RHCG: variants seen among roughly 807,000 people sequenced by gnomAD.
The protein encoded by RHCG is ammonium transporter Rh type C.
A neutral mutation model predicts 55.3 loss-of-function variants in RHCG; 39 were observed. That is an observed-to-expected ratio of 0.70 (90% CI 0.55 to 0.92). RHCG has a LOEUF of 0.92. Ranked by LOEUF, RHCG falls within the 40% of genes least tolerant of loss-of-function variation. The probability of loss-of-function intolerance (pLI) is 0.00; values close to 1 mark genes in which losing one functional copy is unlikely to be tolerated. For missense variants in RHCG, 635 were observed against 627.9 expected (o/e 1.01, Z -0.12); for synonymous variants, 250 against 246.8 (o/e 1.01, Z -0.12).
Position 89,486,857 on chromosome 15 carries a change from G to C in RHCG, c.313C>G (p.Leu105Val). ...LAAFGIQWALLMQGWFHFLQD... is the reference protein window; with the variant it reads ...LAAFGIQWALVMQGWFHFLQD... Reference sequence around the variant, plus strand: ...AAGAAGTGGAACCAGCCCTGCATGAGCAGCGCCCACTGGATGCCGAAGGCT... The same window carrying C: ...AAGAAGTGGAACCAGCCCTGCATGACCAGCGCCCACTGGATGCCGAAGGCT... Residue 105 changes from leucine (L) to valine (V), a missense_variant, in exon 2 of 11, where the codon CTC becomes GTC. Coordinates refer to ENST00000268122, the MANE Select transcript of RHCG (RefSeq NM_016321.3). 6.2e-7 allele frequency: 1 copy of C among 1,611,494 alleles called. No individual in the cohort carries two copies. The highest frequency in any genetic ancestry group is 1.3e-5 in the African/African-American group (1 of 75,018).
At chr15:89,494,394 C>T (rs977353755) in intron 1 of RHCG, among the ~76,000 whole-genome samples, 4 of 152,174 alleles carry the variant, frequency 2.6e-5, no homozygotes, top group Non-Finnish European at 5.9e-5. Context: ...CCATGGGTCC[C>T]AGCAAATTAC....
At chr15:89,483,465 C>T (rs1248223302) in intron 2 of RHCG, among the ~76,000 whole-genome samples, 3 of 152,082 alleles carry the variant, frequency 2.0e-5, no homozygotes, top group South Asian at 2.1e-4. Flanking sequence ...CTCAGGCCCC[C>T]GCTGCTTGCA....
chr15:89,479,207 A>G (rs78940601), intron 5 of RHCG, 115 bp downstream of exon 5: 227,803 of 1,074,436 alleles, frequency 0.21, 24,691 homozygotes, highest in East Asian at 0.25. Context: ...TTCTCCCCCA[A>G]CCTCATCTGC....
At chr15:89,480,662 G>C (rs1298034703) in intron 3 of RHCG, among the ~76,000 whole-genome samples, 2 of 152,364 alleles carry the variant, frequency 1.3e-5, no homozygotes, top group African/African-American at 4.8e-5. Context: ...CCCAGGCCTG[G>C]AGACAGACTT....
intron 1 of RHCG, among the ~76,000 whole-genome samples, chr15:89,489,338 G>A (rs566606055): frequency 2.7e-4 from 41 of 152,010 alleles, no homozygotes; most frequent in African/African-American, 9.9e-4. Flanking sequence ...GGGCCAGGCT[G>A]GTCTCAAACT....
At chr15:89,480,122 C>T in intron 4 of RHCG, 139 bp downstream of exon 4, 5 of 1,133,482 alleles carry the variant, frequency 4.4e-6, no homozygotes, top group Non-Finnish European at 6.4e-6. Context: ...GGCAGCCATG[C>T]ACCATACCAC....
At chr15:89,483,022 C>T in intron 3 of RHCG, 45 bp downstream of exon 3, 2 of 1,514,280 alleles carry the variant, frequency 1.3e-6, no homozygotes, top group African/African-American at 1.4e-5. Flanking sequence ...CTGCTGTCCC[C>T]CAAAGCACCC....
chr15:89,478,389 G>T (rs1293826424), intron 5 of RHCG, among the ~76,000 whole-genome samples: 4 of 152,228 alleles, frequency 2.6e-5, no homozygotes, highest in Non-Finnish European at 5.9e-5. Flanking sequence ...AGCTGCTGCT[G>T]TCTGAATGCT....
intron 2 of RHCG, among the ~76,000 whole-genome samples, chr15:89,485,888 A>G (rs1340129538): frequency 6.6e-6 from 1 of 152,186 alleles, no homozygotes; most frequent in Non-Finnish European, 1.5e-5. Flanking sequence ...AGTTTGATAA[A>G]TGAGTCATTC....
At chr15:89,485,608 T>G (rs1007239825) in intron 2 of RHCG, among the ~76,000 whole-genome samples, 1 of 152,248 alleles carries the variant, frequency 6.6e-6, no homozygotes, top group Admixed American at 6.5e-5. Context: ...ATGAGTGAGC[T>G]AATGAATGTT....
intron 10 of RHCG, 37 bp downstream of exon 10, chr15:89,472,674 A>T: frequency 6.4e-7 from 1 of 1,571,898 alleles, no homozygotes; most frequent in Non-Finnish European, 8.7e-7. Flanking sequence ...CACTGGGAGA[A>T]CCTCCCTGTC....
At chr15:89,490,806 G>A (rs1156376188) in intron 1 of RHCG, among the ~76,000 whole-genome samples, 2 of 151,958 alleles carry the variant, frequency 1.3e-5, no homozygotes, top group Non-Finnish European at 2.9e-5. Context: ...TGGGCTGGTG[G>A]GCGGGGGTTA....
chr15:89,480,239 C>T (rs373459229), intron 4 of RHCG, 22 bp downstream of exon 4: 39 of 1,613,474 alleles, frequency 2.4e-5, no homozygotes, highest in South Asian at 1.1e-4. Flanking sequence ...TGGTGGCCCT[C>T]GGTCATGATG....
chr15:89,489,051 G>A (rs574980616), intron 1 of RHCG, among the ~76,000 whole-genome samples: 14 of 152,274 alleles, frequency 9.2e-5, no homozygotes, highest in East Asian at 1.9e-4. Context: ...GTGTATGTGC[G>A]TGTGCATCCG....
At position 89,483,207 on chromosome 15, in the gene RHCG, C is replaced by T. The variant is rs765915471; in HGVS notation, c.382G>A (p.Ala128Thr). Reference protein sequence around the residue: ...IVVGVENLINADFCVASVCVA... With the variant: ...IVVGVENLINTDFCVASVCVA... ...CAGACAGAGGCCACGCAGAAGTCAG[C>T]GTTGATGAGGCTGTGGGGAGACAGG... is the stretch of plus-strand genomic sequence containing the variant. The change falls in exon 3 of 11, where the codon GCT becomes ACT. Residue 128 changes from alanine to threonine, a missense_variant. Ala to Thr is a moderately conservative substitution (Grantham distance 58). Coordinates refer to ENST00000268122, the MANE Select transcript of RHCG (RefSeq NM_016321.3). 19 of 1,572,808 alleles carry T rather than the reference C, an allele frequency of 1.2e-5. No individual in the cohort carries two copies. Among genetic ancestry groups the T allele is most frequent in the Non-Finnish European group, 1.7e-5 (19 of 1,148,004 alleles).
At chr15:89,495,677 C>T (rs1442053341) in intron 1 of RHCG, among the ~76,000 whole-genome samples, 2 of 152,194 alleles carry the variant, frequency 1.3e-5, no homozygotes, top group Non-Finnish European at 1.5e-5. Flanking sequence ...ACATGCACTT[C>T]CTCGCCACAG....
intron 1 of RHCG, among the ~76,000 whole-genome samples, 158 bp from the exon 2 acceptor site, chr15:89,487,143 C>G (rs890201759): frequency 6.6e-5 from 10 of 152,164 alleles, no homozygotes; most frequent in African/African-American, 2.4e-4. Flanking sequence ...CCCCCACCCC[C>G]ACATCTGAAC....
intron 2 of RHCG, among the ~76,000 whole-genome samples, chr15:89,485,311 T>C (rs954346251): frequency 1.3e-5 from 2 of 152,246 alleles, no homozygotes; most frequent in African/African-American, 4.8e-5. Flanking sequence ...TAATTTCTTG[T>C]GCATTTTGAA....
chr15:89,474,946 CTT>C lies in RHCG; in HGVS notation c.1311+1807_1311+1808del, dbSNP rs1961112465. Among the ~76,000 whole-genome samples the C allele has an allele frequency of 8.8e-5, 12 of 136,224 alleles. 3 individuals carry two copies. Among genetic ancestry groups the C allele is most frequent in the African/African-American group, 4.1e-4 (12 of 29,530 alleles). 89.4% of individuals were successfully genotyped at this position (136,224 alleles called of 152,430 possible). A position where few individuals can be genotyped will look rare whatever the true frequency, so the allele number is the denominator to read the frequency against. Reference sequence around the variant, plus strand: ...CCTGCCTGCCTTCCTGCCTTCCTGCCTTCATTCATTCCTGCCTGCCTGCCTTC... The same window carrying C: ...CCTGCCTGCCTTCCTGCCTTCCTGCCCATTCATTCCTGCCTGCCTGCCTTC... On this transcript the variant is annotated intron_variant, in intron 9 of 10. Transcript: ENST00000268122.
Sources: allele counts gnomAD v4.1 joint callset (sites outside exome capture counted in the v4.1 genomes callset), GRCh38; gene constraint gnomAD v4.1.1; transcripts MANE v1.5; gene names NCBI Gene and HGNC (gene_info 2026-07-23, HGNC 2026-07-21).